Variants in RNF150 observed in about 807,000 individuals in gnomAD.
RNF150 encodes the protein ring finger protein 150.
In RNF150, 24 loss-of-function variants were observed where a neutral mutation model predicts 39.3. The observed-to-expected ratio is 0.61, with a 90% CI of 0.44 to 0.86. The LOEUF is 0.86. Among genes scored for constraint, RNF150 ranks in the 40% least tolerant of loss-of-function variants. RNF150 has a pLI of 0.00. For synonymous variants in RNF150, 255 were observed against 227.3 expected (o/e 1.12, Z -1.10); for missense variants, 502 against 587.8 (o/e 0.85, Z 1.51).
chr4:141,035,893 A>C (rs1578655608), intron 1 of RNF150, among the ~76,000 whole-genome samples: 1 of 152,262 alleles, frequency 6.6e-6, no homozygotes, highest in East Asian at 1.9e-4. Context: ...GGGATTTGAA[A>C]AACGAAATAA....
intron 2 of RNF150, among the ~76,000 whole-genome samples, 186 bp downstream of exon 2, chr4:140,967,437 A>G (rs768671097): frequency 1.3e-5 from 2 of 152,152 alleles, no homozygotes; most frequent in Non-Finnish European, 2.9e-5. Context: ...TTTACATAAA[A>G]ACACAGTAAA....
At chr4:141,058,270 G>A (rs1222012053) in intron 1 of RNF150, among the ~76,000 whole-genome samples, 1 of 151,978 alleles carries the variant, frequency 6.6e-6, no homozygotes, top group East Asian at 1.9e-4. Context: ...AGGGTGGAAG[G>A]GGAGGAGAAA....
chr4:141,058,213 A>G (rs545760510), intron 1 of RNF150, among the ~76,000 whole-genome samples: 1 of 152,216 alleles, frequency 6.6e-6, no homozygotes, highest in Non-Finnish European at 1.5e-5. Flanking sequence ...ATATTATAAG[A>G]CTGCTATATA....
chr4:141,060,103 AT>A (rs1471563623), intron 1 of RNF150, among the ~76,000 whole-genome samples: 1 of 152,244 alleles, frequency 6.6e-6, no homozygotes, highest in African/African-American at 2.4e-5. Flanking sequence ...TTGCAAACAC[AT>A]TCATCTTCAT....
At chr4:141,007,390 GGCCTAATTA>G (rs1734912317) in intron 1 of RNF150, among the ~76,000 whole-genome samples, 1 of 152,138 alleles carries the variant, frequency 6.6e-6, no homozygotes, top group South Asian at 2.1e-4. Flanking sequence ...ATATAACTTT[GGCCTAATTA>G]GTAAGTTTTT....
chr4:141,038,411 C>G (rs548757981), intron 1 of RNF150, among the ~76,000 whole-genome samples: 2 of 152,046 alleles, frequency 1.3e-5, no homozygotes, highest in African/African-American at 2.4e-5. Context: ...GAATCTCGAC[C>G]GGGCATGGTG....
intron 1 of RNF150, among the ~76,000 whole-genome samples, chr4:140,985,771 G>C (rs1466935782): frequency 6.6e-6 from 1 of 151,834 alleles, no homozygotes; most frequent in African/African-American, 2.4e-5. Flanking sequence ...TGGATATATG[G>C]GTTATATAAG....
chr4:141,094,490 A>T (rs1372868245), intron 1 of RNF150, among the ~76,000 whole-genome samples: 1 of 152,278 alleles, frequency 6.6e-6, no homozygotes, highest in Non-Finnish European at 1.5e-5. Flanking sequence ...GTAAATATTT[A>T]AGGTTTTGCA....
chr4:141,204,409 ATGCCTTCAT>A (rs1302595976), intron 1 of RNF150, among the ~76,000 whole-genome samples: 4 of 152,214 alleles, frequency 2.6e-5, no homozygotes, highest in African/African-American at 9.7e-5. Context: ...CTTGCTTAAA[ATGCCTTCAT>A]TGCCTTCATG....
Position 140,956,746 on chromosome 4 carries a change from C to T in RNF150, c.736-7374G>A, listed in dbSNP as rs1311037878. On this transcript the variant is annotated intron_variant, in intron 2 of 6. Coordinates refer to ENST00000515673, the MANE Select transcript of RNF150 (RefSeq NM_020724.2). ...AACAGAACAGAGCCCTCAGAAATAA[C>T]ACCACATATCTACAACTACCTAATC... 3.3e-5 allele frequency among the ~76,000 whole-genome samples: 5 copies of T among 152,276 alleles called. No individual in the cohort carries two copies. In the East Asian group the frequency reaches 9.6e-4, roughly 29 times the overall value.
At chr4:140,979,115 A>T in intron 1 of RNF150, among the ~76,000 whole-genome samples, 1 of 152,162 alleles carries the variant, frequency 6.6e-6, no homozygotes, top group East Asian at 1.9e-4. Flanking sequence ...CTGTGTATAC[A>T]AAAAGTAGCC....
chr4:141,000,071 GA>G, intron 1 of RNF150, among the ~76,000 whole-genome samples: 11 of 90,522 alleles, frequency 1.2e-4, no homozygotes, highest in African/African-American at 3.4e-4. Flanking sequence ...AGAAGAAGAA[GA>G]AGAAGAAGAA....
chr4:140,920,748 T>C (rs1181144736), intron 5 of RNF150, among the ~76,000 whole-genome samples: 1 of 152,042 alleles, frequency 6.6e-6, no homozygotes, highest in Non-Finnish European at 1.5e-5. Context: ...ATACGTTTAT[T>C]GCGGCACTAT....
At chr4:141,200,328 T>C (rs1358740219) in intron 1 of RNF150, among the ~76,000 whole-genome samples, 3 of 152,068 alleles carry the variant, frequency 2.0e-5, no homozygotes, top group Non-Finnish European at 4.4e-5. Flanking sequence ...TCCATCCTCA[T>C]GACCTAATTG....
chr4:140,983,739 C>CTTTT (rs35565844), intron 1 of RNF150, among the ~76,000 whole-genome samples: 1 of 129,686 alleles, frequency 7.7e-6, no homozygotes, highest in African/African-American at 2.8e-5. Context: ...GTATAACTGC[C>CTTTT]TTTTTTTTTT....
intron 1 of RNF150, among the ~76,000 whole-genome samples, chr4:140,977,933 C>T (rs758972335): frequency 1.3e-5 from 2 of 152,110 alleles, no homozygotes; most frequent in Non-Finnish European, 2.9e-5. Flanking sequence ...TTAGTACTAT[C>T]CTGAAATATG....
intron 1 of RNF150, among the ~76,000 whole-genome samples, chr4:141,014,699 ATTGAG>A (rs1393783216): frequency 1.3e-5 from 2 of 152,150 alleles, no homozygotes; most frequent in Non-Finnish European, 2.9e-5. Flanking sequence ...TTTTCTTGCT[ATTGAG>A]TTGTTTGAAT....
intron 1 of RNF150, among the ~76,000 whole-genome samples, chr4:140,974,655 TA>T (rs1419192730): frequency 2.0e-5 from 3 of 152,168 alleles, no homozygotes; most frequent in Non-Finnish European, 4.4e-5. Flanking sequence ...AGTATCCTGG[TA>T]AGACTTGGTA....
chr4:141,144,039 T>C (rs1002712917), intron 1 of RNF150, among the ~76,000 whole-genome samples: 1 of 152,218 alleles, frequency 6.6e-6, no homozygotes, highest in African/African-American at 2.4e-5. Context: ...ATGGTATTTA[T>C]TGAAATTAGG....
Sources: allele counts gnomAD v4.1 joint callset (sites outside exome capture counted in the v4.1 genomes callset), GRCh38; gene constraint gnomAD v4.1.1; transcripts MANE v1.5; gene names NCBI Gene and HGNC (gene_info 2026-07-23, HGNC 2026-07-21).